Variants in DMD observed in about 807,000 individuals in gnomAD.
DMD encodes dystrophin, also known as mutant dystrophin.
Under a neutral mutation model 330.1 loss-of-function variants are expected in DMD, and 63 were observed. The observed-to-expected ratio is 0.19, with a 90% CI of 0.16 to 0.24. The LOEUF is 0.24. Among genes scored for constraint, DMD ranks in the 10% least tolerant of loss-of-function variants. The pLI, the probability that DMD is intolerant of heterozygous loss-of-function variation, is 1.00. For missense variants in DMD, 3,344 were observed against 2,684.1 expected (o/e 1.25, Z -5.43); for synonymous variants, 1,223 against 959.8 (o/e 1.27, Z -5.07).
chrX:32,658,284 C>A (rs2060717147), intron 9 of DMD, among the ~76,000 whole-genome samples: 1 of 111,458 alleles, frequency 9.0e-6, no homozygotes, highest in Non-Finnish European at 1.9e-5. Flanking sequence ...CTTATCTACA[C>A]TTACACTAAT....
intron 44 of DMD, among the ~76,000 whole-genome samples, chrX:32,094,255 C>T (rs2096492425): frequency 8.9e-6 from 1 of 111,871 alleles, no homozygotes. Context: ...TTTAGAACAA[C>T]TTATACATAG....
At chrX:32,006,748 G>A (rs2095664192) in intron 44 of DMD, among the ~76,000 whole-genome samples, 1 of 110,126 alleles carries the variant, frequency 9.1e-6, no homozygotes, top group Non-Finnish European at 1.9e-5. Context: ...AATTTAGGGT[G>A]GGCTCTAAAT....
chrX:31,603,509 A>G (rs896427344), intron 55 of DMD, among the ~76,000 whole-genome samples: 1 of 111,570 alleles, frequency 9.0e-6, no homozygotes, highest in African/African-American at 3.3e-5. Flanking sequence ...AAAAAAGTCA[A>G]GTTGAACCCA....
chrX:32,297,069 T>A (rs950039625), intron 42 of DMD, among the ~76,000 whole-genome samples: 7 of 110,295 alleles, frequency 6.3e-5, no homozygotes, highest in African/African-American at 2.3e-4. Context: ...TTGGCAGGAT[T>A]CAGTACAGTT....
chrX:32,016,562 C>T (rs1009930128), intron 44 of DMD, among the ~76,000 whole-genome samples: 4 of 112,301 alleles, frequency 3.6e-5, no homozygotes, highest in African/African-American at 9.7e-5. Flanking sequence ...AAGGTACATA[C>T]GTAACATCTT....
At chrX:33,062,891 T>C (rs1227531660) in intron 1 of DMD, among the ~76,000 whole-genome samples, 1 of 112,299 alleles carries the variant, frequency 8.9e-6, no homozygotes, top group Non-Finnish European at 1.9e-5. Context: ...TCAATAAACA[T>C]ATGACATATC....
chrX:31,785,793 T>G (rs149452644), intron 50 of DMD, among the ~76,000 whole-genome samples: 2 of 111,946 alleles, frequency 1.8e-5, no homozygotes, highest in African/African-American at 6.5e-5. Flanking sequence ...TCCTTTTTTA[T>G]GGCTGCATAG....
At chrX:33,287,540 T>G (rs919144241) in intron 1 of DMD, among the ~76,000 whole-genome samples, 1 of 111,824 alleles carries the variant, frequency 8.9e-6, no homozygotes, top group Admixed American at 9.6e-5. Context: ...TTTACACTAT[T>G]GAACAATGAA....
intron 1 of DMD, among the ~76,000 whole-genome samples, chrX:33,325,129 T>G (rs2148959214): frequency 8.9e-6 from 1 of 112,045 alleles, no homozygotes; most frequent in Non-Finnish European, 1.9e-5. Context: ...TCTGTCAGGC[T>G]TGATGTGTCT....
At chrX:33,066,065 A>G (rs2094650418) in intron 1 of DMD, among the ~76,000 whole-genome samples, 1 of 110,417 alleles carries the variant, frequency 9.1e-6, no homozygotes, top group African/African-American at 3.3e-5. Flanking sequence ...ATTTAAAAAA[A>G]AAAAAAACCA....
At chrX:32,606,582 T>C (rs1412065887) in intron 12 of DMD, among the ~76,000 whole-genome samples, 1 of 109,185 alleles carries the variant, frequency 9.2e-6, no homozygotes, top group Non-Finnish European at 1.9e-5. Flanking sequence ...CAACAAAAAG[T>C]GTTACATGAA....
intron 25 of DMD, among the ~76,000 whole-genome samples, chrX:32,460,598 CT>C (rs1226076283): frequency 9.0e-6 from 1 of 110,949 alleles, no homozygotes; most frequent in East Asian, 2.8e-4. Context: ...CACTCTTTTT[CT>C]CCTGGCTTCC....
chrX:32,200,687 C>T (rs1309549773), intron 44 of DMD, among the ~76,000 whole-genome samples: 1 of 111,485 alleles, frequency 9.0e-6, no homozygotes, highest in Non-Finnish European at 1.9e-5. Context: ...TTTATTTAAT[C>T]AACTATAATA....
intron 19 of DMD, among the ~76,000 whole-genome samples, chrX:32,492,256 T>A (rs776119771): frequency 6.0e-4 from 67 of 111,981 alleles, no homozygotes; most frequent in Admixed American, 1.6e-3. Context: ...GAGAATGGCG[T>A]GAACCCGGGA....
chrX:33,142,888 G>A (rs756559597), intron 1 of DMD, among the ~76,000 whole-genome samples: 70 of 111,776 alleles, frequency 6.3e-4, no homozygotes, highest in African/African-American at 2.1e-3. Flanking sequence ...TTGTTGCAGG[G>A]AAGAGATAGA....
intron 9 of DMD, among the ~76,000 whole-genome samples, chrX:32,684,018 TACACACACAC>T (rs369735561): frequency 1.7e-4 from 12 of 70,948 alleles, no homozygotes; most frequent in African/African-American, 5.2e-4. Flanking sequence ...CACACATACA[TACACACACAC>T]ACACACACAC....
intron 41 of DMD, among the ~76,000 whole-genome samples, chrX:32,326,408 T>C (rs1212306819): frequency 8.9e-6 from 1 of 112,449 alleles, no homozygotes; most frequent in Non-Finnish European, 1.9e-5. Context: ...AGTAACTTAA[T>C]AGATGTAAAT....
At chrX:32,430,514 TTCA>T (rs2098233737) in intron 29 of DMD, among the ~76,000 whole-genome samples, 1 of 111,765 alleles carries the variant, frequency 8.9e-6, no homozygotes, top group Admixed American at 9.5e-5. Flanking sequence ...CATAAACCTA[TTCA>T]TCATCTCCAA....
intron 43 of DMD, among the ~76,000 whole-genome samples, chrX:32,238,446 A>G (rs1232537491): frequency 1.5e-5 from 1 of 68,486 alleles, no homozygotes; most frequent in Non-Finnish European, 2.9e-5. Flanking sequence ...GCAATGCATG[A>G]GAGAGAGAGA....
Sources: gnomAD v4.1 joint callset for allele counts (sites outside exome capture counted in the v4.1 genomes callset) on GRCh38, gnomAD v4.1.1 for gene constraint, MANE v1.5 for transcripts, NCBI Gene and HGNC (gene_info 2026-07-23, HGNC 2026-07-21) for gene names.